Variants in PRDM1 observed in about 807,000 individuals in gnomAD.
PRDM1 encodes the protein PR domain zinc finger protein 1.
In PRDM1, 13 loss-of-function variants were observed where a neutral mutation model predicts 62.8. That is an observed-to-expected ratio of 0.21 (90% CI 0.13 to 0.33). The LOEUF (loss-of-function observed/expected upper bound fraction) is 0.33. Among genes scored for constraint, PRDM1 ranks in the 10% least tolerant of loss-of-function variants. The probability of loss-of-function intolerance (pLI) is 1.00; values close to 1 mark genes in which losing one functional copy is unlikely to be tolerated. For missense variants in PRDM1, 895 were observed against 1,058.8 expected, an observed-to-expected ratio of 0.85 and a Z score of 2.15; for synonymous variants, 396 against 417.6, an observed-to-expected ratio of 0.95 and a Z score of 0.63.
At chr6:106,026,864 A>C (rs1303153842) in intron 1 of PRDM1, among the ~76,000 whole-genome samples, 1 of 152,280 alleles carries the variant, frequency 6.6e-6, no homozygotes, top group Non-Finnish European at 1.5e-5. Flanking sequence ...AACATGGACC[A>C]GGAAAACCAC....
chr6:105,993,657 T>C (rs568523073), intron 1 of PRDM1, among the ~76,000 whole-genome samples: 1 of 152,270 alleles, frequency 6.6e-6, no homozygotes, highest in South Asian at 2.1e-4. Flanking sequence ...AAACGTTACG[T>C]TTACTATTTT....
At chr6:106,024,058 C>T (rs532040452) in intron 1 of PRDM1, among the ~76,000 whole-genome samples, 19 of 152,150 alleles carry the variant, frequency 1.2e-4, no homozygotes, top group Admixed American at 4.6e-4. Context: ...AGGAGGATTG[C>T]TTGAGCCCAG....
At chr6:106,073,957 C>CA (rs1773561398) in intron 1 of PRDM1, among the ~76,000 whole-genome samples, 1 of 152,178 alleles carries the variant, frequency 6.6e-6, no homozygotes, top group Non-Finnish European at 1.5e-5. Context: ...ACAAAGACTA[C>CA]AGACAGCCTC....
At chr6:106,040,825 C>A (rs1263456735) in intron 1 of PRDM1, among the ~76,000 whole-genome samples, 2 of 152,108 alleles carry the variant, frequency 1.3e-5, no homozygotes, top group Non-Finnish European at 2.9e-5. Context: ...TGTTTTCTGT[C>A]ATTGTTTTGG....
In PRDM1 at chr6:106,106,730, C is replaced by T. The variant is rs1028100601; in HGVS notation, c.1903-181C>T. On this transcript the variant is annotated intron_variant, in intron 6 of 6. Transcript: ENST00000369096. The surrounding 1 kb of genome is among the most constrained non-coding windows in gnomAD (Gnocchi z 4.4). ...ATGGTAGGGGAAATAAACAGCCCCT[C>T]GTGTGCTGTGTGCCCACATCCCCCC... Among the ~76,000 whole-genome samples the T allele has an allele frequency of 1.1e-4, 17 of 152,186 alleles. No homozygotes were observed. The highest frequency in any genetic ancestry group is 3.6e-4 in the African/African-American group (15 of 41,436).
intron 1 of PRDM1, among the ~76,000 whole-genome samples, chr6:106,001,907 T>G (rs1463460562): frequency 6.6e-6 from 1 of 152,194 alleles, no homozygotes. Context: ...AATAACTTTT[T>G]GTAGATCTGA....
At chr6:106,062,039 A>C (rs116860965) in intron 1 of PRDM1, among the ~76,000 whole-genome samples, 1 of 152,222 alleles carries the variant, frequency 6.6e-6, no homozygotes, top group African/African-American at 2.4e-5. Context: ...AACAGCTGTC[A>C]GTGAGGTTGT....
intron 1 of PRDM1, among the ~76,000 whole-genome samples, chr6:106,032,708 TG>T (rs1212816626): frequency 6.6e-6 from 1 of 152,218 alleles, no homozygotes; most frequent in Non-Finnish European, 1.5e-5. Flanking sequence ...CCCAAAGTGC[TG>T]GGATTACAGG....
chr6:106,103,503 G>A (rs1774336814), intron 4 of PRDM1, among the ~76,000 whole-genome samples: 1 of 152,168 alleles, frequency 6.6e-6, no homozygotes, highest in South Asian at 2.1e-4. Context: ...CGTTCCTAGG[G>A]CAGGTGTCCT....
intron 1 of PRDM1, among the ~76,000 whole-genome samples, chr6:106,076,988 T>G (rs1465492137): frequency 6.6e-6 from 1 of 152,210 alleles, no homozygotes; most frequent in Admixed American, 6.5e-5. Flanking sequence ...TAAGTCACTT[T>G]CACTTGGAAA....
chr6:106,104,754 G>A, intron 4 of PRDM1, 71 bp from the exon 5 acceptor site: 3 of 1,498,844 alleles, frequency 2.0e-6, no homozygotes, highest in East Asian at 2.3e-5. Context: ...CAAGAAGGAG[G>A]AGCAACTTTG....
intron 1 of PRDM1, among the ~76,000 whole-genome samples, chr6:105,998,925 ATATATATATTTTTTTTTTTT>A (rs1324683016): frequency 6.9e-3 from 14 of 2,020 alleles, no homozygotes; most frequent in African/African-American, 0.034. Context: ...ATATATATAT[ATATATATATTTTTTTTTTTT>A]TTTTTCTTTT....
chr6:106,018,065 C>G (rs1191143430), intron 1 of PRDM1, among the ~76,000 whole-genome samples: 2 of 151,924 alleles, frequency 1.3e-5, no homozygotes, highest in Admixed American at 6.6e-5. Flanking sequence ...GACCATGTAA[C>G]TAGGAGGCAG....
intron 2 of PRDM1, among the ~76,000 whole-genome samples, chr6:106,091,842 A>G (rs1015585201): frequency 2.0e-5 from 3 of 152,220 alleles, no homozygotes; most frequent in Non-Finnish European, 4.4e-5. Flanking sequence ...CTGTTTCTAA[A>G]TAAATAAAAT....
At chr6:106,030,437 C>A (rs1464210645) in intron 1 of PRDM1, among the ~76,000 whole-genome samples, 1 of 152,146 alleles carries the variant, frequency 6.6e-6, no homozygotes, top group African/African-American at 2.4e-5. Context: ...CCTCCCAAAG[C>A]ACTGGGATTA....
intron 1 of PRDM1, among the ~76,000 whole-genome samples, chr6:106,069,125 A>G (rs1263319192): frequency 6.6e-6 from 1 of 152,036 alleles, no homozygotes; most frequent in African/African-American, 2.4e-5. Context: ...TTCTATAGGG[A>G]CCCTTCTGGC....
Position 106,106,473 on chromosome 6 carries a change from A to G in PRDM1, c.1876A>G (p.Thr626Ala). Residue 626 changes from threonine to alanine, a missense_variant, in exon 6 of 7, where the codon ACG becomes GCG. Transcript: ENST00000369096. The surrounding 1 kb of genome is among the most constrained non-coding windows in gnomAD (Gnocchi z 4.4). ...AHLQKHYLVH[T>A]GEKPHECQVC... is the part of the protein sequence containing the mutation. ...CCTGCAGAAACACTACCTGGTACACACGGGAGAAAAGCCACATGAATGCCA... is the reference window on the plus strand; with the variant it reads ...CCTGCAGAAACACTACCTGGTACACGCGGGAGAAAAGCCACATGAATGCCA... 1 of 1,614,146 alleles carries G rather than the reference A, an allele frequency of 6.2e-7. No homozygotes were observed. The highest frequency in any genetic ancestry group is 8.5e-7 in the Non-Finnish European group (1 of 1,180,022).
At chr6:106,068,241 G>A (rs1285511440) in intron 1 of PRDM1, among the ~76,000 whole-genome samples, 2 of 152,042 alleles carry the variant, frequency 1.3e-5, no homozygotes, top group Non-Finnish European at 2.9e-5. Flanking sequence ...ACAGGCGGAT[G>A]CCACGACGCC....
chr6:106,027,955 A>C (rs936918697), intron 1 of PRDM1, among the ~76,000 whole-genome samples: 4 of 152,172 alleles, frequency 2.6e-5, no homozygotes, highest in African/African-American at 4.8e-5. Flanking sequence ...TACCTACTTA[A>C]GTCACTTTCC....
Sources: gnomAD v4.1 joint callset for allele counts (sites outside exome capture counted in the v4.1 genomes callset) on GRCh38, gnomAD v4.1.1 for gene constraint, Gnocchi (gnomAD v3.1) non-coding constraint, MANE v1.5 for transcripts, NCBI Gene and HGNC (gene_info 2026-07-23, HGNC 2026-07-21) for gene names.